The following DIP2C variants were observed in gnomAD, a reference collection of about 807,000 sequenced individuals.
DIP2C encodes the protein disco-interacting protein 2 homolog C.
A neutral mutation model predicts 192.4 loss-of-function variants in DIP2C; 33 were observed. That is an observed-to-expected ratio of 0.17 (90% CI 0.13 to 0.23). DIP2C has a LOEUF of 0.23. Among genes scored for constraint, DIP2C ranks in the 10% least tolerant of loss-of-function variants. DIP2C has a pLI of 1.00. For synonymous variants in DIP2C, 979 were observed against 864.1 expected (o/e 1.13, Z -2.33); for missense variants, 1,537 against 2,110.1 (o/e 0.73, Z 5.32).
chr10:477,952 GAAAGAAAAGAGA>G, intron 2 of DIP2C, among the ~76,000 whole-genome samples: 1 of 84,048 alleles, frequency 1.2e-5, no homozygotes, highest in African/African-American at 5.1e-5. Context: ...GGAAAAGAAG[GAAAGAAAAGAGA>G]AGGAAGGGAA....
At chr10:621,323 C>T (rs970740005) in intron 1 of DIP2C, among the ~76,000 whole-genome samples, 14 of 151,558 alleles carry the variant, frequency 9.2e-5, no homozygotes, top group African/African-American at 2.7e-4. Context: ...ACACACACCC[C>T]CAAGGTGTGC....
At chr10:381,863 ACAC>A (rs1356711081) in intron 17 of DIP2C, among the ~76,000 whole-genome samples, 1 of 152,088 alleles carries the variant, frequency 6.6e-6, no homozygotes, top group Non-Finnish European at 1.5e-5. Context: ...CAAGAGCCCC[ACAC>A]CACACCTCCT....
At chr10:488,065 T>C (rs1381203365) in intron 1 of DIP2C, among the ~76,000 whole-genome samples, 1 of 152,248 alleles carries the variant, frequency 6.6e-6, no homozygotes, top group Non-Finnish European at 1.5e-5. Flanking sequence ...CAGCCACATG[T>C]GCACGTGCTT....
At chr10:418,604 A>C (rs950428621) in intron 6 of DIP2C, among the ~76,000 whole-genome samples, 1 of 152,218 alleles carries the variant, frequency 6.6e-6, no homozygotes, top group Non-Finnish European at 1.5e-5. Flanking sequence ...AGTCACCGAT[A>C]TCTCTGTCCA....
chr10:540,781 G>A (rs183742005), intron 1 of DIP2C, among the ~76,000 whole-genome samples: 11 of 152,342 alleles, frequency 7.2e-5, no homozygotes, highest in African/African-American at 2.2e-4. Context: ...CCTGTAAGGT[G>A]CATTTGCTTT....
At chr10:341,510 A>G (rs1445453129) in intron 28 of DIP2C, among the ~76,000 whole-genome samples, 181 bp from the exon 29 acceptor site, 3 of 150,818 alleles carry the variant, frequency 2.0e-5, no homozygotes, top group African/African-American at 7.4e-5. Context: ...CGGACCTGAC[A>G]CCCTCAGAAA....
intron 24 of DIP2C, among the ~76,000 whole-genome samples, chr10:350,623 G>A (rs1027571630): frequency 6.9e-6 from 1 of 144,404 alleles, no homozygotes; most frequent in Non-Finnish European, 1.5e-5. Flanking sequence ...TGAACACCCG[G>A]GCTCAGGAAT....
At chr10:556,002 G>T (rs67354918) in intron 1 of DIP2C, among the ~76,000 whole-genome samples, 22,725 of 150,770 alleles carry the variant, frequency 0.15, 2,858 homozygotes, top group African/African-American at 0.34. Flanking sequence ...AATTCTCAAG[G>T]AAATCCTGTT....
At chr10:304,426 C>G (rs1349177404) in intron 32 of DIP2C, among the ~76,000 whole-genome samples, 2 of 152,128 alleles carry the variant, frequency 1.3e-5, no homozygotes, top group African/African-American at 2.4e-5. Flanking sequence ...GACACGAGCT[C>G]CACAGACAGC....
intron 31 of DIP2C, among the ~76,000 whole-genome samples, chr10:311,355 C>T (rs1009825976): frequency 2.0e-5 from 3 of 152,352 alleles, no homozygotes; most frequent in South Asian, 2.1e-4. Context: ...GGGAAGACAG[C>T]GTCGGCTACG....
intron 4 of DIP2C, among the ~76,000 whole-genome samples, chr10:423,685 G>A (rs1457838236): frequency 6.6e-6 from 1 of 151,628 alleles, no homozygotes; most frequent in Non-Finnish European, 1.5e-5. Flanking sequence ...GTGCGTTGGT[G>A]TGTTAGATAA....
chr10:521,821 A>T (rs1846723959), intron 1 of DIP2C, among the ~76,000 whole-genome samples: 2 of 152,054 alleles, frequency 1.3e-5, no homozygotes, highest in African/African-American at 4.8e-5. Context: ...AATCGGGAGG[A>T]AAGCACAGAG....
chr10:300,729 C>T (rs1955995416), intron 32 of DIP2C, among the ~76,000 whole-genome samples: 1 of 141,502 alleles, frequency 7.1e-6, no homozygotes, highest in Non-Finnish European at 1.5e-5. Flanking sequence ...GAAGCCGGAA[C>T]CCAGGCGCGG....
At chr10:462,602 G>A (rs926982084) in intron 3 of DIP2C, among the ~76,000 whole-genome samples, 1 of 152,182 alleles carries the variant, frequency 6.6e-6, no homozygotes, top group Non-Finnish European at 1.5e-5. Context: ...GGTACAAAGA[G>A]GAGCTGGTAG....
intron 29 of DIP2C, among the ~76,000 whole-genome samples, chr10:337,022 TG>T (rs1957824205): frequency 8.9e-6 from 1 of 112,296 alleles, no homozygotes; most frequent in Non-Finnish European, 1.8e-5. Flanking sequence ...TGTGTGTGTG[TG>T]TGTGTGTGTT....
intron 17 of DIP2C, among the ~76,000 whole-genome samples, chr10:377,138 G>A (rs776029182): frequency 1.0e-4 from 13 of 129,214 alleles, no homozygotes; most frequent in African/African-American, 2.7e-4. Context: ...CCTGTGCAGC[G>A]CAGTTTTTTT....
chr10:494,205 A>C (rs1460290366), intron 1 of DIP2C, among the ~76,000 whole-genome samples: 1 of 152,242 alleles, frequency 6.6e-6, no homozygotes, highest in Non-Finnish European at 1.5e-5. Flanking sequence ...TCAAAGATGG[A>C]ATCACTTTGA....
At position 541,907 on chromosome 10, in the gene DIP2C, G is replaced by A. The variant is rs375716480; in HGVS notation, c.86-55377C>T. On this transcript the variant is annotated intron_variant, in intron 1 of 36. Coordinates refer to ENST00000280886, the MANE Select transcript of DIP2C (RefSeq NM_014974.3). ...CACCTCACTTCCTCACCTTCTCGTCGGGTCAAGCACCAACAATCCGCTGTG... is the reference window on the plus strand; with the variant it reads ...CACCTCACTTCCTCACCTTCTCGTCAGGTCAAGCACCAACAATCCGCTGTG... Among the ~76,000 whole-genome samples, 112 of 152,120 alleles carry A rather than the reference G, an allele frequency of 7.4e-4. 1 individual carries two copies. The highest frequency in any genetic ancestry group is 2.4e-3 in the African/African-American group (101 of 41,408).
At chr10:519,169 G>A (rs1250500205) in intron 1 of DIP2C, among the ~76,000 whole-genome samples, 3 of 152,214 alleles carry the variant, frequency 2.0e-5, no homozygotes, top group Admixed American at 6.5e-5. Flanking sequence ...GGCCTAAGCC[G>A]CTGGCACCAA....
Sources: allele counts gnomAD v4.1 joint callset (sites outside exome capture counted in the v4.1 genomes callset), GRCh38; gene constraint gnomAD v4.1.1; transcripts MANE v1.5; gene names NCBI Gene and HGNC (gene_info 2026-07-23, HGNC 2026-07-21).